The following P4HA3 variants were observed in gnomAD, a reference collection of about 807,000 sequenced individuals.
P4HA3 encodes the protein prolyl 4-hydroxylase subunit alpha-3.
In P4HA3, 60 loss-of-function variants were observed where a neutral mutation model predicts 66.7. That is an observed-to-expected ratio of 0.90 (90% CI 0.73 to 1.12). The LOEUF (loss-of-function observed/expected upper bound fraction) is 1.12. P4HA3 is among the 50% of genes most tolerant of loss of function. The probability of loss-of-function intolerance (pLI) is 0.00; values close to 1 mark genes in which losing one functional copy is unlikely to be tolerated. For missense variants in P4HA3, 683 were observed against 685.8 expected, an observed-to-expected ratio of 1.00 and a Z score of 0.05; for synonymous variants, 263 against 274.6, an observed-to-expected ratio of 0.96 and a Z score of 0.42.
At chr11:74,263,652 T>G (rs1482311157), downstream of P4HA3, among the ~76,000 whole-genome samples, 1 of 152,210 alleles carries the variant, frequency 6.6e-6, no homozygotes, top group Non-Finnish European at 1.5e-5. Flanking sequence ...CAAATACACC[T>G]AAGTTCTCAG....
chr11:74,265,786 G>C (rs1859981323), downstream of P4HA3, among the ~76,000 whole-genome samples: 1 of 152,150 alleles, frequency 6.6e-6, no homozygotes, highest in South Asian at 2.1e-4. Context: ...GAGCCTAGTG[G>C]GAGCAGCCTG....
chr11:74,284,785 G>A (rs887945131), intron 7 of P4HA3, among the ~76,000 whole-genome samples: 1 of 152,058 alleles, frequency 6.6e-6, no homozygotes, highest in Non-Finnish European at 1.5e-5. Flanking sequence ...GGCTCACATG[G>A]TAGTGGCTCC....
intron 15 of P4HA3, among the ~76,000 whole-genome samples, chr11:74,255,287 T>C (rs1859806417): frequency 6.6e-6 from 1 of 152,202 alleles, no homozygotes; most frequent in Non-Finnish European, 1.5e-5. Context: ...CACCAAATCC[T>C]GTTCATCCTC....
At chr11:74,300,383 C>G (rs1388731098) in intron 3 of P4HA3, among the ~76,000 whole-genome samples, 2 of 152,192 alleles carry the variant, frequency 1.3e-5, no homozygotes, top group African/African-American at 4.8e-5. Flanking sequence ...GTAATCCCAG[C>G]ACTTTGGGAG....
chr11:74,304,301 T>C lies in P4HA3; in HGVS notation c.312A>G (p.Val104=), dbSNP rs1421766377. 6.2e-7 allele frequency: 1 copy of C among 1,614,040 alleles called. No homozygotes were observed. The highest frequency in any genetic ancestry group is 8.5e-7 in the Non-Finnish European group (1 of 1,179,976). Reference sequence around the variant, plus strand: ...TGTTCTCACTGGCCTCCAGACTATGTACCACATTCCTCCAGTCAGACTGCA... The same window carrying C: ...TGTTCTCACTGGCCTCCAGACTATGCACCACATTCCTCCAGTCAGACTGCA... ...KRLQSDWRNV[V]HSLEASENIR... Residue 104 remains valine, a synonymous_variant, in exon 2 of 13, where the codon GTA becomes GTG. Transcript: ENST00000331597.
chr11:74,270,239 T>C lies in P4HA3; in HGVS notation c.1399-519A>G, dbSNP rs368632430. 1.5e-3 allele frequency among the ~76,000 whole-genome samples: 222 copies of C among 152,342 alleles called. 3 individuals are homozygous for C. In the South Asian group the frequency reaches 0.045, roughly 31 times the overall value. Reference sequence around the variant, plus strand: ...TAATCTCACAACCTATAATGGATCATGACTTGTGGCTTGAAAACCAGTTTA... The same window carrying C: ...TAATCTCACAACCTATAATGGATCACGACTTGTGGCTTGAAAACCAGTTTA... On this transcript the variant is annotated intron_variant, in intron 10 of 12. Coordinates refer to ENST00000331597, the MANE Select transcript of P4HA3 (RefSeq NM_182904.5).
downstream of P4HA3, among the ~76,000 whole-genome samples, chr11:74,264,528 T>C (rs925964252): frequency 6.6e-6 from 1 of 152,152 alleles, no homozygotes; most frequent in Admixed American, 6.5e-5. Flanking sequence ...GGTTTCATGA[T>C]GATTTGAGGG....
intron 6 of P4HA3, 31 bp downstream of exon 6, chr11:74,286,197 T>C: frequency 6.2e-7 from 1 of 1,603,774 alleles, no homozygotes; most frequent in African/African-American, 1.3e-5. Context: ...GCCAGGCCTC[T>C]CCCCCTTTCT....
chr11:74,251,487 C>G lies in P4HA3; in HGVS notation c.*1319-3486G>C, dbSNP rs1219452821. 47 of 1,440,514 alleles carry G rather than the reference C, an allele frequency of 3.3e-5. 1 individual carries two copies. In the East Asian group the frequency reaches 5.0e-4, roughly 15 times the overall value. 89.2% of individuals were successfully genotyped at this position (1,440,514 alleles called of 1,614,324 possible). ...AGGATAGTGGGGAGGAGTCTTCTAGCTCTGCTAGGGAGGGCCTAGGTCCTT... is the reference window on the plus strand; with the variant it reads ...AGGATAGTGGGGAGGAGTCTTCTAGGTCTGCTAGGGAGGGCCTAGGTCCTT... On this transcript the variant is annotated intron_variant and NMD_transcript_variant, in intron 15 of 15. Transcript: ENST00000524388.
At chr11:74,300,755 G>A (rs376726081) in intron 3 of P4HA3, among the ~76,000 whole-genome samples, 3 of 152,266 alleles carry the variant, frequency 2.0e-5, no homozygotes, top group East Asian at 3.9e-4. Context: ...GTGAGTTGGC[G>A]ATACCACTCC....
chr11:74,310,028 A>G (rs1861684609), intron 1 of P4HA3, among the ~76,000 whole-genome samples: 1 of 152,160 alleles, frequency 6.6e-6, no homozygotes. Flanking sequence ...CAGAATCAGT[A>G]TTATTACCAC....
chr11:74,281,205 A>G (rs962900231), intron 7 of P4HA3, among the ~76,000 whole-genome samples: 5 of 152,188 alleles, frequency 3.3e-5, no homozygotes, highest in Non-Finnish European at 7.4e-5. Context: ...AATGGCAATC[A>G]TTAAAAAGTC....
intron 3 of P4HA3, among the ~76,000 whole-genome samples, chr11:74,301,752 G>T (rs1005615424): frequency 1.3e-5 from 2 of 151,126 alleles, no homozygotes; most frequent in African/African-American, 4.8e-5. Flanking sequence ...TACCTCAGAT[G>T]GGGGGCGGGG....
intron 2 of P4HA3, 31 bp from the exon 3 acceptor site, chr11:74,302,623 A>G: frequency 6.3e-7 from 1 of 1,582,580 alleles, no homozygotes; most frequent in Non-Finnish European, 8.6e-7. Context: ...TCAACCCAGC[A>G]TTCAAGAAAC....
intron 9 of P4HA3, among the ~76,000 whole-genome samples, 186 bp downstream of exon 9, chr11:74,276,799 C>T (rs1387588880): frequency 1.3e-5 from 2 of 152,090 alleles, no homozygotes; most frequent in Non-Finnish European, 2.9e-5. Context: ...GAGATGGTGG[C>T]AGACAAGAAA....
intron 3 of P4HA3, 59 bp from the exon 4 acceptor site, chr11:74,298,420 G>T: frequency 6.4e-7 from 1 of 1,557,078 alleles, no homozygotes; most frequent in Non-Finnish European, 8.7e-7. Context: ...AAAAGAAAAT[G>T]ACAATTCAAA....
intron 1 of P4HA3, 142 bp from the exon 2 acceptor site, chr11:74,304,554 G>C (rs10898976): frequency 0.16 from 154,183 of 943,852 alleles, 13,833 homozygotes; most frequent in East Asian, 0.28. Context: ...CAACCAAAAA[G>C]CCATGCAAGC....
At chr11:74,308,740 T>C (rs1861644838) in intron 1 of P4HA3, among the ~76,000 whole-genome samples, 1 of 152,174 alleles carries the variant, frequency 6.6e-6, no homozygotes, top group Non-Finnish European at 1.5e-5. Context: ...AAGTGGGGCC[T>C]AGTTTCACTA....
At chr11:74,271,684 C>T (rs1331488005) in intron 10 of P4HA3, among the ~76,000 whole-genome samples, 1 of 152,142 alleles carries the variant, frequency 6.6e-6, no homozygotes, top group East Asian at 1.9e-4. Context: ...TATGTCCAAT[C>T]TGAGCAGAAA....
Sources: gnomAD v4.1 joint callset for allele counts (sites outside exome capture counted in the v4.1 genomes callset) on GRCh38, gnomAD v4.1.1 for gene constraint, MANE v1.5 for transcripts, NCBI Gene and HGNC (gene_info 2026-07-23, HGNC 2026-07-21) for gene names.